The following APLF variants were observed in gnomAD, a reference collection of about 807,000 sequenced individuals.
APLF encodes the protein aprataxin and PNK-like factor.
In APLF, 61 loss-of-function variants were observed where a neutral mutation model predicts 55.6. The observed-to-expected ratio is 1.10, with a 90% CI of 0.89 to 1.36. The LOEUF (loss-of-function observed/expected upper bound fraction) is 1.36, where lower values mean the gene tolerates loss of function less well. APLF is among the 40% of genes most tolerant of loss of function. The pLI, the probability that APLF is intolerant of heterozygous loss-of-function variation, is 0.00. For missense variants in APLF, 611 were observed against 602.5 expected, an observed-to-expected ratio of 1.01 and a Z score of -0.15; for synonymous variants, 207 against 214.8, an observed-to-expected ratio of 0.96 and a Z score of 0.32.
chr2:68,544,814 G>C (rs1670654284), intron 7 of APLF, among the ~76,000 whole-genome samples: 1 of 151,786 alleles, frequency 6.6e-6, no homozygotes, highest in Admixed American at 6.6e-5. Context: ...CTTAGCAGAG[G>C]GTACAATATA....
intron 1 of APLF, among the ~76,000 whole-genome samples, chr2:68,473,077 T>G (rs1040545542): frequency 6.6e-6 from 1 of 152,182 alleles, no homozygotes; most frequent in Admixed American, 6.5e-5. Context: ...ATTGTACATC[T>G]TATGGGTTTT....
chr2:68,467,758 G>T lies in APLF; in HGVS notation c.27G>T (p.Pro9=). 2 of 1,234,714 alleles carry T rather than the reference G, an allele frequency of 1.6e-6. No homozygotes were observed. Among genetic ancestry groups the T allele is most frequent in the Non-Finnish European group, 1.0e-6 (1 of 988,034 alleles). The allele number at this position is 1,234,714 out of a possible 1,614,324, so 76.5% of individuals were successfully genotyped here. MSGGFELQ[P]RDGGPRVALA... is the part of the protein sequence containing the mutation. Reference sequence around the variant, plus strand: ...TGTCCGGGGGCTTCGAGCTGCAGCCGCGGGACGGCGGTCCCCGGGTGGCCC... The same window carrying T: ...TGTCCGGGGGCTTCGAGCTGCAGCCTCGGGACGGCGGTCCCCGGGTGGCCC... Residue 9 remains proline (P), a synonymous_variant, in exon 1 of 10, where the codon CCG becomes CCT. Coordinates refer to ENST00000303795, the MANE Select transcript of APLF (RefSeq NM_173545.3).
rs76112049 is a variant in APLF, at chr2:68,506,744, G to A, written c.341+3841G>A. ...CTGCTGTATGAGAATGTTTACTATAGCACTCATTTGAATTGTGAAAACACC... is the reference window on the plus strand; with the variant it reads ...CTGCTGTATGAGAATGTTTACTATAACACTCATTTGAATTGTGAAAACACC... On this transcript the variant is annotated intron_variant, in intron 3 of 9. Transcript: ENST00000303795. Among the ~76,000 whole-genome samples, 824 of 151,990 alleles carry A rather than the reference G, an allele frequency of 5.4e-3. 36 individuals carry two copies. The East Asian group carries it at 0.11, about 20-fold the overall frequency.
At chr2:68,489,481 T>C (rs1676289519) in intron 1 of APLF, among the ~76,000 whole-genome samples, 1 of 152,252 alleles carries the variant, frequency 6.6e-6, no homozygotes, top group Non-Finnish European at 1.5e-5. Context: ...TGATTGGCAC[T>C]GTCAGCATTT....
intron 1 of APLF, among the ~76,000 whole-genome samples, chr2:68,479,217 C>CCT (rs1160100460): frequency 6.6e-6 from 1 of 152,126 alleles, no homozygotes; most frequent in Admixed American, 6.5e-5. Flanking sequence ...TGGAAGAGAA[C>CCT]CTCCCTAGAG....
intron 8 of APLF, among the ~76,000 whole-genome samples, chr2:68,546,083 G>C (rs1189346737): frequency 6.6e-6 from 1 of 152,020 alleles, no homozygotes; most frequent in Non-Finnish European, 1.5e-5. Context: ...TCAATGAGAA[G>C]GCAAAGTAAG....
At chr2:68,562,024 T>C (rs896432889) in intron 8 of APLF, among the ~76,000 whole-genome samples, 2 of 151,940 alleles carry the variant, frequency 1.3e-5, no homozygotes, top group African/African-American at 4.8e-5. Flanking sequence ...GTAAAGAAAA[T>C]GTGGTATATA....
intron 2 of APLF, among the ~76,000 whole-genome samples, chr2:68,499,550 ACT>A (rs539604193): frequency 3.3e-5 from 5 of 152,130 alleles, no homozygotes; most frequent in East Asian, 1.9e-4. Flanking sequence ...ATAATTAAAT[ACT>A]CTCAAGCCAG....
intron 2 of APLF, among the ~76,000 whole-genome samples, chr2:68,498,814 A>C (rs1676634736): frequency 6.6e-6 from 1 of 152,222 alleles, no homozygotes; most frequent in Non-Finnish European, 1.5e-5. Flanking sequence ...TGGATGATTG[A>C]GGCAGTAGCT....
intron 2 of APLF, among the ~76,000 whole-genome samples, chr2:68,495,938 C>T (rs1676533701): frequency 6.6e-6 from 1 of 152,238 alleles, no homozygotes; most frequent in African/African-American, 2.4e-5. Flanking sequence ...ATAGCACTGT[C>T]CCAAGGCCAT....
At chr2:68,525,970 G>A (rs943289113) in intron 5 of APLF, 91 bp from the exon 6 acceptor site, 108 of 1,290,732 alleles carry the variant, frequency 8.4e-5, no homozygotes, top group Middle Eastern at 2.5e-4. Flanking sequence ...GGCTGGTCTC[G>A]AATCCTTTTT....
In APLF at chr2:68,549,448, T is replaced by G. The variant is rs80189934; in HGVS notation, c.1286+4136T>G. Among the ~76,000 whole-genome samples, 489 of 152,252 alleles carry G rather than the reference T, an allele frequency of 3.2e-3. 2 individuals carry two copies. Among genetic ancestry groups the G allele is most frequent in the African/African-American group, 0.011 (463 of 41,574 alleles). ...TTGATATTTATAAATGTTTGAGAAT[T>G]GCTCTAATATCTATTATAATTATCA... On this transcript the variant is annotated intron_variant, in intron 8 of 9. Coordinates refer to ENST00000303795, the MANE Select transcript of APLF (RefSeq NM_173545.3).
intron 9 of APLF, among the ~76,000 whole-genome samples, chr2:68,577,365 T>A (rs1312309347): frequency 1.3e-5 from 2 of 152,162 alleles, no homozygotes; most frequent in Non-Finnish European, 2.9e-5. Context: ...ATGCTGTTCT[T>A]GTGGCAGAGG....
intron 1 of APLF, among the ~76,000 whole-genome samples, chr2:68,482,638 G>C (rs529433982): frequency 2.6e-5 from 4 of 152,148 alleles, no homozygotes; most frequent in Non-Finnish European, 5.9e-5. Flanking sequence ...TGGTTTGGCT[G>C]CTTAGGGTCT....
chr2:68,525,434 AT>A (rs1363104713), intron 5 of APLF, among the ~76,000 whole-genome samples: 2 of 152,218 alleles, frequency 1.3e-5, no homozygotes, highest in African/African-American at 2.4e-5. Context: ...AATTAAAAAA[AT>A]AACATGTATC....
At chr2:68,557,463 A>G (rs1203579572) in intron 8 of APLF, among the ~76,000 whole-genome samples, 1 of 152,226 alleles carries the variant, frequency 6.6e-6, no homozygotes, top group African/African-American at 2.4e-5. Flanking sequence ...TTTAGAAACC[A>G]CTTAACAAAA....
intron 2 of APLF, among the ~76,000 whole-genome samples, chr2:68,492,403 G>A (rs10167684): frequency 0.081 from 12,341 of 152,168 alleles, 540 homozygotes; most frequent in Middle Eastern, 0.12. Flanking sequence ...GCGTGAACCC[G>A]GGAGGCGGAG....
intron 5 of APLF, among the ~76,000 whole-genome samples, chr2:68,525,401 CTG>C (rs1270553503): frequency 2.0e-5 from 3 of 151,938 alleles, no homozygotes; most frequent in Non-Finnish European, 2.9e-5. Context: ...GTCAGATTTT[CTG>C]TTAGAGAAAT....
intron 5 of APLF, among the ~76,000 whole-genome samples, chr2:68,519,229 AATATATT>A (rs1669816411): frequency 1.4e-5 from 2 of 140,344 alleles, no homozygotes; most frequent in African/African-American, 5.2e-5. Context: ...TTTATTACAT[AATATATT>A]ATATATTATA....
Sources: allele counts gnomAD v4.1 joint callset (sites outside exome capture counted in the v4.1 genomes callset), GRCh38; gene constraint gnomAD v4.1.1; transcripts MANE v1.5; gene names NCBI Gene and HGNC (gene_info 2026-07-23, HGNC 2026-07-21).